The following MYRIP variants were observed in gnomAD, a reference collection of about 807,000 sequenced individuals.
MYRIP encodes myosin VIIA and Rab interacting protein, also known as rab effector MyRIP.
MYRIP carries 49 observed loss-of-function variants against 98.0 expected under a neutral mutation model. The observed-to-expected ratio is 0.50, with a 90% CI of 0.40 to 0.63. The LOEUF is 0.63. Among genes scored for constraint, MYRIP ranks in the 30% least tolerant of loss-of-function variants. The pLI is 0.00. For synonymous variants in MYRIP, 404 were observed against 409.5 expected (o/e 0.99, Z 0.16); for missense variants, 1,004 against 1,058.2 (o/e 0.95, Z 0.71).
At chr3:39,909,556 A>C (rs776089587) in intron 2 of MYRIP, among the ~76,000 whole-genome samples, 26 of 152,172 alleles carry the variant, frequency 1.7e-4, no homozygotes, top group Admixed American at 7.2e-4. Context: ...ACTCATGGGA[A>C]TACATCTGTC....
At chr3:39,967,017 G>A (rs1470911174) in intron 2 of MYRIP, among the ~76,000 whole-genome samples, 1 of 152,180 alleles carries the variant, frequency 6.6e-6, no homozygotes, top group East Asian at 1.9e-4. Flanking sequence ...TCATTTCTCT[G>A]AGCCTCAGTT....
At chr3:39,883,573 A>C (rs1272372625) in intron 1 of MYRIP, among the ~76,000 whole-genome samples, 2 of 152,108 alleles carry the variant, frequency 1.3e-5, no homozygotes, top group East Asian at 3.9e-4. Flanking sequence ...AGGACCACTA[A>C]AAAATAATAA....
At chr3:39,935,399 G>T (rs1366008011) in intron 2 of MYRIP, among the ~76,000 whole-genome samples, 1 of 152,108 alleles carries the variant, frequency 6.6e-6, no homozygotes, top group Non-Finnish European at 1.5e-5. Context: ...CATGAACTGG[G>T]TGGGTTATCA....
intron 2 of MYRIP, among the ~76,000 whole-genome samples, chr3:39,952,515 T>C (rs943497322): frequency 1.3e-5 from 2 of 152,228 alleles, no homozygotes; most frequent in African/African-American, 2.4e-5. Context: ...CACTTAATCA[T>C]GGTGTATAAT....
At chr3:40,038,881 C>T (rs1438298949) in intron 2 of MYRIP, among the ~76,000 whole-genome samples, 1 of 151,982 alleles carries the variant, frequency 6.6e-6, no homozygotes, top group Admixed American at 6.6e-5. Context: ...AGTTAGGTCG[C>T]AGCTTTGGAT....
intron 2 of MYRIP, among the ~76,000 whole-genome samples, chr3:39,989,577 C>T (rs970814938): frequency 2.0e-5 from 3 of 152,318 alleles, no homozygotes; most frequent in African/African-American, 7.2e-5. Context: ...GGGGGAAACC[C>T]ACACATCTGG....
chr3:40,046,677 G>A (rs2280318), intron 3 of MYRIP, among the ~76,000 whole-genome samples: 16,513 of 150,710 alleles, frequency 0.11, 1,039 homozygotes, highest in East Asian at 0.22. Context: ...GAAGCAGACC[G>A]CTATTGAAGC....
At chr3:39,814,355 G>A (rs1330778564) in intron 1 of MYRIP, among the ~76,000 whole-genome samples, 1 of 152,054 alleles carries the variant, frequency 6.6e-6, no homozygotes, top group East Asian at 1.9e-4. Context: ...TTCCCTTAGA[G>A]ATTATCTTTT....
intron 3 of MYRIP, among the ~76,000 whole-genome samples, chr3:40,080,216 T>G (rs928092627): frequency 7.9e-5 from 12 of 152,226 alleles, no homozygotes; most frequent in African/African-American, 2.9e-4. Flanking sequence ...CTCCCTTAAC[T>G]TGGTGAATTA....
chr3:40,066,028 T>C (rs532924167), intron 3 of MYRIP, among the ~76,000 whole-genome samples: 1 of 152,214 alleles, frequency 6.6e-6, no homozygotes, highest in African/African-American at 2.4e-5. Flanking sequence ...CTAGGAAAAA[T>C]AGGCCTTGCT....
intron 2 of MYRIP, 61 bp downstream of exon 2, chr3:39,900,987 T>A: frequency 7.8e-7 from 1 of 1,282,936 alleles, no homozygotes; most frequent in Non-Finnish European, 1.1e-6. Context: ...GCGTAACAGG[T>A]TTCCTGAGGG....
intron 3 of MYRIP, among the ~76,000 whole-genome samples, chr3:40,074,454 TA>T (rs1948298841): frequency 6.6e-6 from 1 of 152,148 alleles, no homozygotes; most frequent in Non-Finnish European, 1.5e-5. Context: ...TGGTACATAT[TA>T]AAATTAAAAT....
At chr3:40,006,373 A>T (rs954038134) in intron 2 of MYRIP, among the ~76,000 whole-genome samples, 1 of 152,134 alleles carries the variant, frequency 6.6e-6, no homozygotes, top group South Asian at 2.1e-4. Context: ...TGGGTGACAG[A>T]GCAAGACTCT....
intron 2 of MYRIP, among the ~76,000 whole-genome samples, chr3:39,974,585 A>G (rs1457815202): frequency 6.6e-6 from 1 of 152,208 alleles, no homozygotes; most frequent in Non-Finnish European, 1.5e-5. Context: ...AAAGCCTGGC[A>G]GAGACACACC....
At chr3:40,203,922 AAATAT>A (rs1169440192) in intron 10 of MYRIP, among the ~76,000 whole-genome samples, 11 of 3,486 alleles carry the variant, frequency 3.2e-3, no homozygotes, top group African/African-American at 7.7e-3. Flanking sequence ...TTATTTATAT[AAATAT>A]AATATAATAT....
At position 40,190,272 on chromosome 3, in the gene MYRIP, G is replaced by A. The variant is rs1951165800; in HGVS notation, c.1474G>A (p.Gly492Arg). The change falls in exon 10 of 17, where the codon GGA (glycine) becomes AGA (arginine). Residue 492 changes from glycine to arginine, a missense_variant. Transcript: ENST00000302541. ...TGCAGCTGAGAAGATGCGCTTGCATGGAGAGCTGGACGTGAACTTCAACCC... is the reference window on the plus strand; with the variant it reads ...TGCAGCTGAGAAGATGCGCTTGCATAGAGAGCTGGACGTGAACTTCAACCC... ...NPAAEKMRLHGELDVNFNPQL... is the reference protein window; with the variant it reads ...NPAAEKMRLHRELDVNFNPQL... 2 of 1,614,062 alleles carry A rather than the reference G, an allele frequency of 1.2e-6. No homozygotes were observed. Among genetic ancestry groups the A allele is most frequent in the South Asian group, 2.2e-5 (2 of 91,074 alleles).
chr3:40,221,994 T>C (rs1356034231), intron 11 of MYRIP, among the ~76,000 whole-genome samples: 2 of 152,190 alleles, frequency 1.3e-5, no homozygotes, highest in African/African-American at 4.8e-5. Context: ...ATACAAGTGA[T>C]ACAGGGCAGG....
At position 39,837,095 on chromosome 3, in the gene MYRIP, C is replaced by G. The variant is rs1260790356; in HGVS notation, c.-31+27179C>G. On this transcript the variant is annotated intron_variant, in intron 1 of 16. Coordinates refer to ENST00000302541, the MANE Select transcript of MYRIP (RefSeq NM_015460.4). ...TTCCAAAAAGGTTTGTGACTATTCC[C>G]CATAACTTTCTCTAATATTTCCCTT... is the stretch of plus-strand genomic sequence containing the variant. Among the ~76,000 whole-genome samples the G allele has an allele frequency of 2.0e-5, 3 of 152,150 alleles. No homozygotes were observed. In the South Asian group the frequency reaches 6.2e-4, roughly 32 times the overall value.
At chr3:39,911,249 T>C (rs977128072) in intron 2 of MYRIP, among the ~76,000 whole-genome samples, 24 of 151,990 alleles carry the variant, frequency 1.6e-4, no homozygotes, top group African/African-American at 5.6e-4. Context: ...CCTTTAGAAA[T>C]GGTCAGGAGA....
Sources: gnomAD v4.1 joint callset for allele counts (sites outside exome capture counted in the v4.1 genomes callset) on GRCh38, gnomAD v4.1.1 for gene constraint, MANE v1.5 for transcripts, NCBI Gene and HGNC (gene_info 2026-07-23, HGNC 2026-07-21) for gene names.